Variants in RBKS observed in about 807,000 individuals in gnomAD.
The protein encoded by RBKS is ribokinase.
In RBKS, 33 loss-of-function variants were observed where a neutral mutation model predicts 33.9. The observed-to-expected ratio is 0.97, with a 90% CI of 0.74 to 1.30. The LOEUF is 1.30. Among genes scored for constraint, RBKS ranks in the 50% most tolerant of loss-of-function variants. The pLI is 0.00. For missense variants in RBKS, 361 were observed against 392.6 expected (o/e 0.92, Z 0.68); for synonymous variants, 125 against 143.0 (o/e 0.87, Z 0.90).
At chr2:27,816,479 C>T (rs767220870) in intron 7 of RBKS, among the ~76,000 whole-genome samples, 11 of 152,130 alleles carry the variant, frequency 7.2e-5, no homozygotes, top group African/African-American at 2.4e-4. Flanking sequence ...AGGGCTGTTT[C>T]GGAACCTCAT....
chr2:27,820,195 T>C (rs1173074635), intron 7 of RBKS, among the ~76,000 whole-genome samples: 3 of 152,086 alleles, frequency 2.0e-5, no homozygotes, highest in East Asian at 1.9e-4. Flanking sequence ...ACATGAAAAA[T>C]ACAGGCTTAT....
chr2:27,860,079 A>C (rs939064428), intron 1 of RBKS, among the ~76,000 whole-genome samples: 1 of 152,200 alleles, frequency 6.6e-6, no homozygotes, highest in African/African-American at 2.4e-5. Context: ...ATTTGAAAAC[A>C]TCCCACTCCT....
At chr2:27,796,951 G>T (rs1274135649) in intron 7 of RBKS, among the ~76,000 whole-genome samples, 1 of 152,166 alleles carries the variant, frequency 6.6e-6, no homozygotes, top group African/African-American at 2.4e-5. Flanking sequence ...CTGGGCCCTT[G>T]ACTATGGCCA....
intron 1 of RBKS, among the ~76,000 whole-genome samples, chr2:27,881,824 C>G (rs931750448): frequency 3.9e-5 from 6 of 152,152 alleles, no homozygotes; most frequent in Non-Finnish European, 8.8e-5. Flanking sequence ...GGAGAAAGGA[C>G]TCCCTATTCA....
At position 27,837,301 on chromosome 2, in the gene RBKS, A is replaced by G. The variant is rs2148208006; in HGVS notation, c.515-4524T>C. On this transcript the variant is annotated intron_variant, in intron 5 of 7. Coordinates refer to ENST00000302188, the MANE Select transcript of RBKS (RefSeq NM_022128.3). This position sits in a 1 kb window ranked among gnomAD's most constrained non-coding sequence, Gnocchi z 4.0. ...AAAACAAAACAAAACAAAACGAAAC[A>G]AAAAACAAAAAGTCAAAACACAACA... Among the ~76,000 whole-genome samples the G allele has an allele frequency of 6.6e-6, 1 of 152,256 alleles. No homozygotes were observed. Among genetic ancestry groups the G allele is most frequent in the Admixed American group, 6.5e-5 (1 of 15,292 alleles).
At chr2:27,885,465 C>T (rs1028805316) in intron 1 of RBKS, among the ~76,000 whole-genome samples, 7 of 152,200 alleles carry the variant, frequency 4.6e-5, no homozygotes, top group Admixed American at 1.3e-4. Flanking sequence ...TCACTGATTG[C>T]TGTCTCCTGA....
intron 2 of RBKS, among the ~76,000 whole-genome samples, chr2:27,850,315 A>G (rs973775352): frequency 2.6e-5 from 4 of 152,236 alleles, no homozygotes; most frequent in African/African-American, 9.6e-5. Context: ...TGATAAACCT[A>G]CATGACATAT....
At chr2:27,825,186 T>C (rs868623179) in intron 7 of RBKS, among the ~76,000 whole-genome samples, 2 of 152,294 alleles carry the variant, frequency 1.3e-5, no homozygotes, top group Middle Eastern at 3.4e-3. Context: ...GTTCCAATTA[T>C]GGAAAATAAG....
chr2:27,796,374 GA>G (rs1354871393), intron 7 of RBKS, among the ~76,000 whole-genome samples: 1 of 152,134 alleles, frequency 6.6e-6, no homozygotes, highest in African/African-American at 2.4e-5. Flanking sequence ...ACCTTTTACT[GA>G]AAATTATTTT....
intron 1 of RBKS, among the ~76,000 whole-genome samples, chr2:27,865,126 C>T (rs1276509463): frequency 6.6e-6 from 1 of 152,172 alleles, no homozygotes; most frequent in Non-Finnish European, 1.5e-5. Context: ...CAAGACCATC[C>T]TGGCTAACAC....
chr2:27,844,263 G>GAAAAAAAA (rs1348408045), intron 4 of RBKS, among the ~76,000 whole-genome samples: 1 of 84,100 alleles, frequency 1.2e-5, no homozygotes, highest in Admixed American at 1.2e-4. Context: ...CTCTGTCTCA[G>GAAAAAAAA]AAAAAAAAAA....
At chr2:27,867,476 A>C (rs76414065) in intron 1 of RBKS, among the ~76,000 whole-genome samples, 2,807 of 152,240 alleles carry the variant, frequency 0.018, 31 homozygotes, top group Non-Finnish European at 0.025. Context: ...GAGTCTTTAT[A>C]AACTTAGTTG....
At position 27,805,527 on chromosome 2, in the gene RBKS, T is replaced by C. The variant is rs138005819; in HGVS notation, c.795+22040A>G. Among the ~76,000 whole-genome samples the C allele has an allele frequency of 1.6e-4, 25 of 152,338 alleles. No homozygotes were observed. In the East Asian group the frequency reaches 4.8e-3, roughly 29 times the overall value. On this transcript the variant is annotated intron_variant, in intron 7 of 7. Transcript: ENST00000302188. ...CTCATTTCCCAGCTTTCCCGGGTCC[T>C]TGTAGGAAACAGCAAGTTTGAAAAC... is the stretch of plus-strand genomic sequence containing the variant.
At chr2:27,858,326 C>G in intron 2 of RBKS, 113 bp downstream of exon 2, 1 of 980,744 alleles carries the variant, frequency 1.0e-6, no homozygotes, top group Non-Finnish European at 1.5e-6. Flanking sequence ...CTATGTATTA[C>G]ATGCCACTGA....
At chr2:27,863,753 A>G (rs1442750919) in intron 1 of RBKS, among the ~76,000 whole-genome samples, 1 of 152,232 alleles carries the variant, frequency 6.6e-6, no homozygotes, top group Non-Finnish European at 1.5e-5. Context: ...TTACCCAATT[A>G]AAATTCATTA....
chr2:27,815,584 T>C (rs1573044919), intron 7 of RBKS, among the ~76,000 whole-genome samples: 1 of 152,206 alleles, frequency 6.6e-6, no homozygotes, highest in South Asian at 2.1e-4. Flanking sequence ...AAATCTTTTG[T>C]GTTGTCCTGG....
chr2:27,825,339 T>C (rs1351913948), intron 7 of RBKS, among the ~76,000 whole-genome samples: 1 of 152,224 alleles, frequency 6.6e-6, no homozygotes, highest in Non-Finnish European at 1.5e-5. Flanking sequence ...ATAGCATTTA[T>C]AGCCACGTCA....
rs79622107 is a variant in RBKS, at chr2:27,861,638, G to C, written c.90-3067C>G. 19 of 452,602 alleles carry C rather than the reference G, an allele frequency of 4.2e-5. No individual in the cohort carries two copies. In the East Asian group the frequency reaches 1.5e-3, roughly 35 times the overall value. 28.0% of individuals were successfully genotyped at this position (452,602 alleles called of 1,614,324 possible). ...TGAAGAAAATAATTCACGGAATAAG[G>C]AGATTAGTATGTTCCATTTCTTTTT... On this transcript the variant is annotated intron_variant, in intron 1 of 7. Transcript: ENST00000302188.
chr2:27,843,258 T>G (rs765182542), intron 4 of RBKS, 27 bp from the exon 5 acceptor site: 93 of 1,557,260 alleles, frequency 6.0e-5, no homozygotes, highest in Non-Finnish European at 7.8e-5. Context: ...CCTATTATAT[T>G]AAAACTAAAC....
Sources: gnomAD v4.1 joint callset for allele counts (sites outside exome capture counted in the v4.1 genomes callset) on GRCh38, gnomAD v4.1.1 for gene constraint, Gnocchi (gnomAD v3.1) non-coding constraint, MANE v1.5 for transcripts, NCBI Gene and HGNC (gene_info 2026-07-23, HGNC 2026-07-21) for gene names.